C1QTNF3: variants seen among roughly 807,000 people sequenced by gnomAD.
The protein encoded by C1QTNF3 is complement C1q tumor necrosis factor-related protein 3.
In C1QTNF3, 26 loss-of-function variants were observed where a neutral mutation model predicts 32.6. The observed-to-expected ratio is 0.80, with a 90% confidence interval of 0.58 to 1.11. The LOEUF (loss-of-function observed/expected upper bound fraction) is 1.11. Among genes scored for constraint, C1QTNF3 ranks in the 50% least tolerant of loss-of-function variants. C1QTNF3 has a pLI of 0.00. For synonymous variants in C1QTNF3, 155 were observed against 146.0 expected (o/e 1.06, Z -0.44); for missense variants, 362 against 398.2 (o/e 0.91, Z 0.77).
chr5:34,241,985 G>A, the C1QTNF3 span, among the ~76,000 whole-genome samples: 1 of 149,904 alleles, frequency 6.7e-6, no homozygotes, highest in Non-Finnish European at 1.5e-5. Flanking sequence ...AGGAAGGAAG[G>A]AAGGAAGGAA....
chr5:34,040,340 C>T (rs145104632), intron 1 of C1QTNF3, among the ~76,000 whole-genome samples: 256 of 152,076 alleles, frequency 1.7e-3, no homozygotes, highest in African/African-American at 5.8e-3. Context: ...AGCTCTACTA[C>T]TAGTAAGTGA....
chr5:34,035,837 G>T, intron 1 of C1QTNF3, 79 bp from the exon 2 acceptor site: 1 of 1,049,028 alleles, frequency 9.5e-7, no homozygotes, highest in Non-Finnish European at 1.4e-6. Context: ...ACTGGCCTTG[G>T]CCCTTAGGTA....
the C1QTNF3 span, among the ~76,000 whole-genome samples, chr5:34,063,932 A>G: frequency 6.6e-6 from 1 of 152,178 alleles, no homozygotes; most frequent in Non-Finnish European, 1.5e-5. Flanking sequence ...GAGCGCATGC[A>G]TGGGCGACTG....
chr5:34,044,716 G>T (rs1322205217), upstream of C1QTNF3, among the ~76,000 whole-genome samples: 2 of 150,594 alleles, frequency 1.3e-5, no homozygotes, highest in African/African-American at 5.0e-5. Context: ...CCAGGCCACA[G>T]TTCAGGGGCC....
chr5:34,217,186 AT>A, the C1QTNF3 span, among the ~76,000 whole-genome samples: 1 of 152,144 alleles, frequency 6.6e-6, no homozygotes, highest in African/African-American at 2.4e-5. Context: ...TAAATTATTA[AT>A]ATTAACTTGA....
the C1QTNF3 span, among the ~76,000 whole-genome samples, chr5:34,169,886 T>C: frequency 3.0e-3 from 456 of 152,188 alleles, 4 homozygotes; most frequent in African/African-American, 9.9e-3. Flanking sequence ...CTCCAAAAGC[T>C]AAAAATAATA....
chr5:34,058,466 C>T, the C1QTNF3 span, among the ~76,000 whole-genome samples: 114 of 152,232 alleles, frequency 7.5e-4, no homozygotes, highest in African/African-American at 2.5e-3. Flanking sequence ...TTTGCTTTCC[C>T]GGCTCACTGG....
chr5:34,021,937 T>C (rs1754338856), intron 5 of C1QTNF3, among the ~76,000 whole-genome samples: 1 of 152,000 alleles, frequency 6.6e-6, no homozygotes, highest in Non-Finnish European at 1.5e-5. Context: ...AAAATCATAA[T>C]AAAAAAAGAC....
the C1QTNF3 span, among the ~76,000 whole-genome samples, chr5:34,138,549 C>G: frequency 2.6e-5 from 4 of 151,852 alleles, no homozygotes; most frequent in African/African-American, 9.7e-5. Flanking sequence ...CAAAGTGATG[C>G]TTTATATATG....
the C1QTNF3 span, among the ~76,000 whole-genome samples, chr5:34,177,585 C>T: frequency 6.9e-6 from 1 of 144,954 alleles, no homozygotes; most frequent in Non-Finnish European, 1.5e-5. Context: ...CTCCCCAGTT[C>T]AAGCGATTCT....
At chr5:34,057,622 G>C in the C1QTNF3 span, among the ~76,000 whole-genome samples, 1 of 152,162 alleles carries the variant, frequency 6.6e-6, no homozygotes, top group Non-Finnish European at 1.5e-5. Context: ...AACCGTTCTA[G>C]AATATTTAAT....
the C1QTNF3 span, among the ~76,000 whole-genome samples, chr5:34,159,931 A>G: frequency 6.6e-6 from 1 of 152,156 alleles, no homozygotes; most frequent in Non-Finnish European, 1.5e-5. Flanking sequence ...GAGCAATATT[A>G]TGAGTACATA....
At chr5:34,052,784 C>T in the C1QTNF3 span, among the ~76,000 whole-genome samples, 1 of 152,198 alleles carries the variant, frequency 6.6e-6, no homozygotes, top group East Asian at 1.9e-4. Context: ...AATTACTAGA[C>T]AGAAAACATC....
chr5:34,230,868 C>T, the C1QTNF3 span, among the ~76,000 whole-genome samples: 1 of 152,234 alleles, frequency 6.6e-6, no homozygotes, highest in African/African-American at 2.4e-5. Flanking sequence ...TAACATTGAA[C>T]ATATTCTTGT....
chr5:34,222,693 TGTTA>T, the C1QTNF3 span, among the ~76,000 whole-genome samples: 1 of 151,974 alleles, frequency 6.6e-6, no homozygotes, highest in Non-Finnish European at 1.5e-5. Context: ...GGAAGAAGAA[TGTTA>T]GTCAAAAAAA....
chr5:34,228,046 G>A, the C1QTNF3 span, among the ~76,000 whole-genome samples: 357 of 150,694 alleles, frequency 2.4e-3, 1 homozygote, highest in Non-Finnish European at 1.3e-3. Flanking sequence ...CCATTTTACC[G>A]GAATTTTTAT....
the C1QTNF3 span, among the ~76,000 whole-genome samples, chr5:34,215,974 C>T: frequency 6.6e-6 from 1 of 152,164 alleles, no homozygotes. Flanking sequence ...TGTGCTGTGG[C>T]CAAGTTTAGG....
the C1QTNF3 span, among the ~76,000 whole-genome samples, chr5:34,075,397 G>C: frequency 6.6e-6 from 1 of 151,586 alleles, no homozygotes; most frequent in Admixed American, 6.6e-5. Context: ...TCATTCATGA[G>C]CTTAATGATG....
chr5:34,070,645 T>C, the C1QTNF3 span, among the ~76,000 whole-genome samples: 1 of 151,604 alleles, frequency 6.6e-6, no homozygotes, highest in Non-Finnish European at 1.5e-5. Flanking sequence ...ATATTGAAAG[T>C]GAAAACTCAT....
Sources: allele counts gnomAD v4.1 joint callset (sites outside exome capture counted in the v4.1 genomes callset), GRCh38; gene constraint gnomAD v4.1.1; transcripts MANE v1.5; gene names NCBI Gene and HGNC (gene_info 2026-07-23, HGNC 2026-07-21).